The following ISM1 variants were observed in gnomAD, a reference collection of about 807,000 sequenced individuals.
ISM1 encodes isthmin 1.
A neutral mutation model predicts 46.3 loss-of-function variants in ISM1; 25 were observed. That is an observed-to-expected ratio of 0.54 (90% CI 0.39 to 0.75). ISM1 has a LOEUF of 0.75. Among genes scored for constraint, ISM1 ranks in the 30% least tolerant of loss-of-function variants. ISM1 has a pLI of 0.00. For missense variants in ISM1, 536 were observed against 625.4 expected (o/e 0.86, Z 1.52); for synonymous variants, 255 against 256.7 (o/e 0.99, Z 0.06).
chr20:13,245,267 C>T (rs769947995), intron 1 of ISM1: 1 of 152,214 alleles, frequency 6.6e-6, no homozygotes, highest in Non-Finnish European at 1.5e-5. Flanking sequence ...CATGGTCTCT[C>T]ACAGGCTACA....
intron 1 of ISM1, among the ~76,000 whole-genome samples, chr20:13,263,208 T>A (rs6033648): frequency 0.22 from 32,952 of 152,084 alleles, 3,946 homozygotes; most frequent in East Asian, 0.45. Flanking sequence ...ATGATTGCCA[T>A]CATACACAGG....
chr20:13,260,602 GTT>G (rs61296867), intron 1 of ISM1, among the ~76,000 whole-genome samples: 1 of 145,200 alleles, frequency 6.9e-6, no homozygotes, highest in Non-Finnish European at 1.5e-5. Flanking sequence ...ATAAAGTGGA[GTT>G]TTTTTTTTTT....
At chr20:13,223,829 GC>G (rs2039480944) in intron 1 of ISM1, among the ~76,000 whole-genome samples, 1 of 152,078 alleles carries the variant, frequency 6.6e-6, no homozygotes, top group African/African-American at 2.4e-5. Context: ...TATACATGAT[GC>G]TTTCTTTCCT....
downstream of ISM1, among the ~76,000 whole-genome samples, chr20:13,305,641 T>C (rs1187464595): frequency 6.6e-6 from 1 of 152,220 alleles, no homozygotes; most frequent in African/African-American, 2.4e-5. Context: ...AGGTCCTGCA[T>C]ACAGTAGTGT....
the ISM1 span, among the ~76,000 whole-genome samples, chr20:13,324,901 T>C: frequency 6.6e-6 from 1 of 152,240 alleles, no homozygotes; most frequent in Non-Finnish European, 1.5e-5. Flanking sequence ...GACTTGCTCA[T>C]GCAGCTGAAG....
the ISM1 span, among the ~76,000 whole-genome samples, chr20:13,310,221 T>C: frequency 6.6e-6 from 1 of 152,196 alleles, no homozygotes; most frequent in Admixed American, 6.5e-5. Flanking sequence ...AACAACATGA[T>C]ACTAACATAT....
intron 1 of ISM1, among the ~76,000 whole-genome samples, chr20:13,243,593 G>A (rs577358874): frequency 6.6e-6 from 1 of 152,108 alleles, no homozygotes; most frequent in African/African-American, 2.4e-5. Context: ...GCAGTAAAAC[G>A]ACCATCTGAA....
chr20:13,279,995 G>A (rs1600545996), intron 3 of ISM1, 97 bp downstream of exon 3: 2 of 1,245,886 alleles, frequency 1.6e-6, no homozygotes, highest in East Asian at 2.5e-5. Context: ...TAGAGCATGT[G>A]GCTTTTGGTC....
At chr20:13,230,658 A>G (rs932576642) in intron 1 of ISM1, among the ~76,000 whole-genome samples, 12 of 151,980 alleles carry the variant, frequency 7.9e-5, no homozygotes, top group African/African-American at 2.9e-4. Flanking sequence ...CAAAGACAGG[A>G]GATAATTTAG....
At position 13,291,986 on chromosome 20, in the gene ISM1, T is replaced by A. The variant is rs117392888; in HGVS notation, c.788-388T>A. On this transcript the variant is annotated intron_variant, in intron 4 of 5. Transcript: ENST00000262487. ...TACCCCAAGGTCACGTGGCTAGTAA[T>A]GATTTCAACGCACACAGTCAGTCAT... 2.8e-3 allele frequency among the ~76,000 whole-genome samples: 427 copies of A among 152,284 alleles called. 1 individual carries two copies. The highest frequency in any genetic ancestry group is 5.2e-3 in the Non-Finnish European group (356 of 68,028).
intron 2 of ISM1, among the ~76,000 whole-genome samples, chr20:13,271,913 G>A (rs903612393): frequency 6.6e-6 from 1 of 152,112 alleles, no homozygotes; most frequent in Non-Finnish European, 1.5e-5. Flanking sequence ...CGAGTAGCTG[G>A]AACTTCAAGT....
Position 13,221,683 on chromosome 20 carries a change from GCCGGGCTC to G in ISM1, c.-84_-77del. On this transcript the variant is annotated 5_prime_UTR_variant, in exon 1 of 6. An upstream open reading frame in the 5' UTR loses its in-frame stop. Transcript: ENST00000262487. ...CGGGAGCCGAGGCGGGAGCCGCGCT[GCCGGGCTC>G]CCGGGCTCCTACTCCTCCTCCCCCG... The G allele has an allele frequency of 9.0e-7, 1 of 1,116,014 alleles. No individual in the cohort carries two copies. The highest frequency in any genetic ancestry group is 1.1e-6 in the Non-Finnish European group (1 of 885,050). The allele number at this position is 1,116,014 out of a possible 1,614,324, so 69.1% of individuals were successfully genotyped here. A position where few individuals can be genotyped will look rare whatever the true frequency, so the allele number is the denominator to read the frequency against.
At chr20:13,260,202 C>A (rs1334881185) in intron 1 of ISM1, among the ~76,000 whole-genome samples, 1 of 152,194 alleles carries the variant, frequency 6.6e-6, no homozygotes, top group Non-Finnish European at 1.5e-5. Context: ...CACCTCTGGC[C>A]ATATGTGGCC....
chr20:13,313,771 A>G, the ISM1 span, among the ~76,000 whole-genome samples: 1 of 152,250 alleles, frequency 6.6e-6, no homozygotes, highest in South Asian at 2.1e-4. Context: ...CAGTTTAAAG[A>G]AACAGAGCAA....
At chr20:13,226,517 T>C (rs1458665054) in intron 1 of ISM1, among the ~76,000 whole-genome samples, 1 of 152,210 alleles carries the variant, frequency 6.6e-6, no homozygotes, top group Non-Finnish European at 1.5e-5. Context: ...TATTTCTTCA[T>C]GAATTTGTAT....
the ISM1 span, among the ~76,000 whole-genome samples, chr20:13,318,393 C>T: frequency 4.6e-5 from 7 of 152,232 alleles, no homozygotes; most frequent in South Asian, 6.2e-4. Context: ...TTCAAAATGG[C>T]GTGACCACTT....
At chr20:13,225,926 A>G (rs1029473829) in intron 1 of ISM1, among the ~76,000 whole-genome samples, 1 of 152,220 alleles carries the variant, frequency 6.6e-6, no homozygotes, top group Non-Finnish European at 1.5e-5. Flanking sequence ...AAGACAAAAT[A>G]TAGAATCCAT....
At chr20:13,227,513 CTTT>C (rs57317837) in intron 1 of ISM1, among the ~76,000 whole-genome samples, 1 of 115,456 alleles carries the variant, frequency 8.7e-6, no homozygotes, top group Non-Finnish European at 1.8e-5. Flanking sequence ...CAACTTTTTT[CTTT>C]TTTTTTTTTT....
chr20:13,239,688 G>A (rs2039695178), intron 1 of ISM1: 1 of 152,220 alleles, frequency 6.6e-6, no homozygotes, highest in African/African-American at 2.4e-5. Flanking sequence ...GAGGCACTCT[G>A]TTTAGAAGGC....
Sources: gnomAD v4.1 joint callset for allele counts (sites outside exome capture counted in the v4.1 genomes callset) on GRCh38, gnomAD v4.1.1 for gene constraint, MANE v1.5 for transcripts, NCBI Gene and HGNC (gene_info 2026-07-23, HGNC 2026-07-21) for gene names.